Variants in CDH22 observed in about 807,000 individuals in gnomAD.
CDH22 encodes the protein cadherin-22.
In CDH22, 30 loss-of-function variants were observed where a neutral mutation model predicts 58.4. That is an observed-to-expected ratio of 0.51 (90% confidence interval 0.38 to 0.70). CDH22 has a LOEUF of 0.70. Among genes scored for constraint, CDH22 ranks in the 30% least tolerant of loss-of-function variants. The pLI is 0.00. For missense variants in CDH22, 1,014 were observed against 1,233.9 expected, an observed-to-expected ratio of 0.82 and a Z score of 2.67; for synonymous variants, 513 against 558.2, an observed-to-expected ratio of 0.92 and a Z score of 1.14.
At chr20:46,221,999 T>C (rs903937229) in intron 4 of CDH22, among the ~76,000 whole-genome samples, 16 of 152,136 alleles carry the variant, frequency 1.1e-4, no homozygotes, top group African/African-American at 3.6e-4. Flanking sequence ...CAGACAGATA[T>C]GGGCTCAAGT....
chr20:46,304,537 G>A (rs2086666098), intron 1 of CDH22, among the ~76,000 whole-genome samples: 1 of 152,238 alleles, frequency 6.6e-6, no homozygotes, highest in African/African-American at 2.4e-5. Flanking sequence ...TTATGCACAG[G>A]AAAGAGCTGG....
Position 46,199,523 on chromosome 20 carries a change from G to T in CDH22, c.1323C>A (p.Ile441=), listed in dbSNP as rs1291687289. Residue 441 remains isoleucine, a synonymous_variant, in exon 8 of 12, where the codon ATC becomes ATA. Coordinates refer to ENST00000537909, the MANE Select transcript of CDH22 (RefSeq NM_021248.3). ...AIDRESDLDQ[I]FDIDADTGAI... is the part of the protein sequence containing the mutation. ...CGCCTGTGTCCGCATCGATATCGAAGATCTGGTCCAAATCTGATTCGCGGT... is the reference window on the plus strand; with the variant it reads ...CGCCTGTGTCCGCATCGATATCGAATATCTGGTCCAAATCTGATTCGCGGT... 1 of 1,613,836 alleles carries T rather than the reference G, an allele frequency of 6.2e-7. No homozygotes were observed. The highest frequency in any genetic ancestry group is 1.3e-5 in the African/African-American group (1 of 74,942).
Position 46,174,827 on chromosome 20 carries a change from C to CG in CDH22, c.2165dup (p.Gln723AlafsTer155), listed in dbSNP as rs1026537772. 2 of 1,429,874 alleles carry CG rather than the reference C, an allele frequency of 1.4e-6. No homozygotes were observed. The highest frequency in any genetic ancestry group is 1.5e-5 in the African/African-American group (1 of 67,602). 88.6% of individuals were successfully genotyped at this position (1,429,874 alleles called of 1,614,324 possible). A position where few individuals can be genotyped will look rare whatever the true frequency, so the allele number is the denominator to read the frequency against. On this transcript the variant is annotated frameshift_variant, in exon 12 of 12. Coordinates refer to ENST00000537909, the MANE Select transcript of CDH22 (RefSeq NM_021248.3). LOFTEE classifies it low-confidence loss of function (END_TRUNC). This position sits in a 1 kb window ranked among gnomAD's most constrained non-coding sequence, Gnocchi z 4.4. ...GGCGCTCGGAGGGCAGGTGGGCCTGCGGGGGGCTGCCCGCGCCCCCGCCCG... is the reference window on the plus strand; with the variant it reads ...GGCGCTCGGAGGGCAGGTGGGCCTGCGGGGGGGCTGCCCGCGCCCCCGCCCG...
At chr20:46,237,458 C>T (rs1420589117) in intron 3 of CDH22, among the ~76,000 whole-genome samples, 2 of 152,214 alleles carry the variant, frequency 1.3e-5, no homozygotes, top group Admixed American at 6.5e-5. Context: ...CGGCCCCGCC[C>T]TCCACAGCCG....
chr20:46,195,981 G>A (rs1008205816), intron 8 of CDH22, among the ~76,000 whole-genome samples: 1 of 152,266 alleles, frequency 6.6e-6, no homozygotes, highest in Middle Eastern at 3.4e-3. Flanking sequence ...GAGCAGGTGG[G>A]GCCACCATGA....
At chr20:46,201,862 A>G (rs2085963991) in intron 7 of CDH22, among the ~76,000 whole-genome samples, 2 of 152,140 alleles carry the variant, frequency 1.3e-5, no homozygotes, top group Non-Finnish European at 2.9e-5. Context: ...CCTCCCTAGC[A>G]TGCACCTAAC....
intron 7 of CDH22, among the ~76,000 whole-genome samples, chr20:46,207,972 G>A (rs1193578411): frequency 6.6e-6 from 1 of 152,230 alleles, no homozygotes; most frequent in African/African-American, 2.4e-5. Flanking sequence ...TGAACAGGCT[G>A]TGCACTGCAC....
chr20:46,223,809 TCTTC>T (rs1414981239), intron 4 of CDH22, among the ~76,000 whole-genome samples: 1 of 35,480 alleles, frequency 2.8e-5, no homozygotes, highest in African/African-American at 1.2e-4. Flanking sequence ...CTTCTTCCTT[TCTTC>T]CTTTCTTCCT....
chr20:46,292,185 G>C (rs907797374), intron 1 of CDH22, among the ~76,000 whole-genome samples: 12 of 152,244 alleles, frequency 7.9e-5, no homozygotes, highest in Non-Finnish European at 1.6e-4. Context: ...AGGCATGCCT[G>C]CTGAGCTTTC....
At chr20:46,296,803 AT>A (rs2086631015) in intron 1 of CDH22, among the ~76,000 whole-genome samples, 1 of 152,124 alleles carries the variant, frequency 6.6e-6, no homozygotes, top group Admixed American at 6.5e-5. Context: ...CAGCAGAGCA[AT>A]TTCCCAAAGC....
chr20:46,226,287 TTCTTC>T (rs1322124052), intron 4 of CDH22, among the ~76,000 whole-genome samples: 6 of 2,896 alleles, frequency 2.1e-3, no homozygotes, highest in Non-Finnish European at 6.3e-3. Context: ...CTTCTTCTTC[TTCTTC>T]TTTTTTTTTT....
intron 4 of CDH22, among the ~76,000 whole-genome samples, chr20:46,225,196 C>A (rs182433616): frequency 6.6e-6 from 1 of 152,298 alleles, no homozygotes; most frequent in Non-Finnish European, 1.5e-5. Flanking sequence ...GCTCTTTGAC[C>A]AAGCTTCTCC....
At chr20:46,290,981 C>T (rs1043894572) in intron 1 of CDH22, among the ~76,000 whole-genome samples, 2 of 152,094 alleles carry the variant, frequency 1.3e-5, no homozygotes, top group Admixed American at 6.6e-5. Flanking sequence ...AGACAGAATT[C>T]AAATAATAAC....
chr20:46,251,031 C>A lies in CDH22; in HGVS notation c.255+9G>T. 6.3e-7 allele frequency: 1 copy of A among 1,591,106 alleles called. No individual in the cohort carries two copies. Among genetic ancestry groups the A allele is most frequent in the Non-Finnish European group, 8.6e-7 (1 of 1,160,892 alleles). The stretch of plus-strand genomic sequence containing the variant: ...TGGGATCTGGAGTTGGAGTGGGGCC[C>A]CACTTTACCTTGCCCACATACAGGG... On this transcript the variant is annotated intron_variant, in intron 2 of 11. Transcript: ENST00000537909. This position sits in a 1 kb window ranked among gnomAD's most constrained non-coding sequence, Gnocchi z 6.7.
intron 1 of CDH22, among the ~76,000 whole-genome samples, chr20:46,296,737 C>A (rs2086630769): frequency 6.6e-6 from 1 of 152,042 alleles, no homozygotes; most frequent in South Asian, 2.1e-4. Context: ...CCACAGGGAG[C>A]CACTGCTGTC....
At chr20:46,179,120 G>A (rs2085765676) in intron 10 of CDH22, among the ~76,000 whole-genome samples, 1 of 152,250 alleles carries the variant, frequency 6.6e-6, no homozygotes, top group African/African-American at 2.4e-5. Context: ...TTCTGTAGGA[G>A]TCAGGCCACC....
intron 8 of CDH22, among the ~76,000 whole-genome samples, chr20:46,198,287 GACACACACAC>G (rs368091518): frequency 8.4e-4 from 108 of 128,706 alleles, no homozygotes; most frequent in Middle Eastern, 3.9e-3. Context: ...GCACCAAAAA[GACACACACAC>G]ACACACACAC....
chr20:46,264,080 TG>T (rs1401976300), intron 1 of CDH22, among the ~76,000 whole-genome samples: 2 of 152,112 alleles, frequency 1.3e-5, no homozygotes. Context: ...ACATCAAGAG[TG>T]ACTCCCCGGA....
intron 8 of CDH22, among the ~76,000 whole-genome samples, chr20:46,198,452 A>G (rs961280250): frequency 1.5e-4 from 23 of 152,184 alleles, no homozygotes; most frequent in Non-Finnish European, 2.6e-4. Flanking sequence ...TGTATCCCAA[A>G]GCCAGCCACT....
Sources: gnomAD v4.1 joint callset for allele counts (sites outside exome capture counted in the v4.1 genomes callset) on GRCh38, gnomAD v4.1.1 for gene constraint, Gnocchi (gnomAD v3.1) non-coding constraint, MANE v1.5 for transcripts, NCBI Gene and HGNC (gene_info 2026-07-23, HGNC 2026-07-21) for gene names.